CELSR1: variants seen among roughly 807,000 people sequenced by gnomAD.
CELSR1 encodes cadherin EGF LAG seven-pass G-type receptor 1.
In CELSR1, 110 loss-of-function variants were observed where a neutral mutation model predicts 249.1. The observed-to-expected ratio is 0.44, with a 90% CI of 0.38 to 0.52. CELSR1 has a LOEUF of 0.52. Among genes scored for constraint, CELSR1 ranks in the 20% least tolerant of loss-of-function variants. The pLI is 0.00. For synonymous variants in CELSR1, 2,113 were observed against 1,900.0 expected (o/e 1.11, Z -2.92); for missense variants, 4,109 against 4,296.4 (o/e 0.96, Z 1.22).
Position 46,422,793 on chromosome 22 carries a change from C to G in CELSR1, c.4611+10600G>C, listed in dbSNP as rs928088300. Among the ~76,000 whole-genome samples the G allele has an allele frequency of 4.0e-5, 6 of 149,532 alleles. No homozygotes were observed. The South Asian group carries it at 1.3e-3, about 31-fold the overall frequency. The stretch of plus-strand genomic sequence containing the variant: ...AAAAAAAAAAAAATGGCTCATAGTC[C>G]CATGACCCAGATAACTGCTATATTG... On this transcript the variant is annotated intron_variant, in intron 5 of 34. Coordinates refer to ENST00000674500, the MANE Select transcript of CELSR1 (RefSeq NM_001378328.1).
chr22:46,508,357 A>AG (rs1226479823), intron 1 of CELSR1, among the ~76,000 whole-genome samples: 1 of 147,692 alleles, frequency 6.8e-6, no homozygotes, highest in Admixed American at 6.7e-5. Context: ...GTGGGATGGG[A>AG]GGGGCACATG....
At chr22:46,528,619 T>G (rs775860280) in intron 1 of CELSR1, among the ~76,000 whole-genome samples, 1 of 152,160 alleles carries the variant, frequency 6.6e-6, no homozygotes, top group African/African-American at 2.4e-5. Context: ...TATACCATGG[T>G]GTACTATTCC....
rs747417164 is a variant in CELSR1 at position 46,396,445 on chromosome 22, G to C, written c.5843+160C>G. On this transcript the variant is annotated intron_variant, in intron 13 of 34. Transcript: ENST00000674500. The surrounding 1 kb of genome is among the most constrained non-coding windows in gnomAD (Gnocchi z 6.4). ...ATAAAATAAAAATTAAAAAAAATTT[G>C]ATTTTCACTTAATTCATGCCAAATT... is the stretch of plus-strand genomic sequence containing the variant. 6.6e-6 allele frequency among the ~76,000 whole-genome samples: 1 copy of C among 151,738 alleles called. No homozygotes were observed. Among genetic ancestry groups the C allele is most frequent in the Non-Finnish European group, 1.5e-5 (1 of 67,986 alleles).
chr22:46,451,211 C>A (rs2079880379), intron 2 of CELSR1, among the ~76,000 whole-genome samples: 1 of 152,196 alleles, frequency 6.6e-6, no homozygotes, highest in Admixed American at 6.5e-5. Flanking sequence ...CCCTGCCCCA[C>A]CTGGCAAGGT....
intron 33 of CELSR1, 91 bp from the exon 34 acceptor site, chr22:46,364,342 T>C: frequency 2.6e-6 from 4 of 1,548,152 alleles, no homozygotes; most frequent in Non-Finnish European, 3.5e-6. Context: ...CCTCAGCCCC[T>C]GTCCTTCCTC....
At chr22:46,449,101 C>T (rs868521501) in intron 2 of CELSR1, among the ~76,000 whole-genome samples, 35 of 150,586 alleles carry the variant, frequency 2.3e-4, no homozygotes, top group African/African-American at 8.3e-4. Context: ...AATCCATCCA[C>T]CCATCCATTG....
At chr22:46,498,284 T>C (rs890719193) in intron 1 of CELSR1, among the ~76,000 whole-genome samples, 9 of 13,392 alleles carry the variant, frequency 6.7e-4, no homozygotes, top group African/African-American at 1.8e-3. Flanking sequence ...AAAGCGAAAC[T>C]CTGTCTCAAA....
At position 46,386,455 on chromosome 22, in the gene CELSR1, C is replaced by T. The variant is rs745830567; in HGVS notation, c.6686G>A (p.Arg2229His). 8 of 1,602,788 alleles carry T rather than the reference C, an allele frequency of 5.0e-6. No individual in the cohort carries two copies. The highest frequency in any genetic ancestry group is 2.2e-5 in the South Asian group (2 of 89,600). ...CCGCAGGTACGTCCGCCGCACGTTGCGTGCCACGTTGCTGAAGTAGCCCTC... is the reference window on the plus strand; with the variant it reads ...CCGCAGGTACGTCCGCCGCACGTTGTGTGCCACGTTGCTGAAGTAGCCCTC... ...RLEGYFSNVA[R>H]NVRRTYLRPF... is the part of the protein sequence containing the mutation. The change falls in exon 19 of 35, where the codon CGC becomes CAC. Residue 2229 changes from arginine to histidine, a missense_variant. Coordinates refer to ENST00000674500, the MANE Select transcript of CELSR1 (RefSeq NM_001378328.1).
intron 5 of CELSR1, among the ~76,000 whole-genome samples, chr22:46,416,681 C>T (rs190633361): frequency 6.4e-4 from 97 of 152,296 alleles, no homozygotes; most frequent in African/African-American, 2.0e-3. Flanking sequence ...AGGAGTGGCC[C>T]AGAAGCGCTA....
intron 2 of CELSR1, among the ~76,000 whole-genome samples, chr22:46,460,428 A>G (rs530435146): frequency 6.6e-6 from 1 of 152,086 alleles, no homozygotes; most frequent in South Asian, 2.1e-4. Context: ...AGGGAGGCCC[A>G]TGATGGGCAG....
intron 18 of CELSR1, among the ~76,000 whole-genome samples, chr22:46,387,968 C>T (rs2079049812): frequency 6.6e-6 from 1 of 152,144 alleles, no homozygotes; most frequent in South Asian, 2.1e-4. Context: ...CCGAGGGTGA[C>T]CCTCAGCCTC....
chr22:46,410,021 C>A lies in CELSR1; in HGVS notation c.4934-141G>T. ...GACCAGGTCTGAACGCCCCTGGCAA[C>A]GGCAGGAACATGGGAACTAAGAAGG... On this transcript the variant is annotated intron_variant, in intron 7 of 34. Transcript: ENST00000674500. The surrounding 1 kb of genome is among the most constrained non-coding windows in gnomAD (Gnocchi z 6.8). The A allele has an allele frequency of 1.0e-5, 11 of 1,059,722 alleles. No homozygotes were observed. The highest frequency in any genetic ancestry group is 2.4e-5 in the Admixed American group (1 of 42,396). 65.6% of individuals were successfully genotyped at this position (1,059,722 alleles called of 1,614,324 possible).
chr22:46,462,187 G>A (rs1433105925), intron 2 of CELSR1, among the ~76,000 whole-genome samples: 1 of 152,222 alleles, frequency 6.6e-6, no homozygotes, highest in African/African-American at 2.4e-5. Flanking sequence ...GAGACAGCGG[G>A]GGGAAGAGCC....
Position 46,518,147 on chromosome 22 carries a change from T to C in CELSR1, c.3544+15480A>G, listed in dbSNP as rs896808815. ...CTCGAACTCGTGACCTCAGGTGATG[T>C]GATCCATCCATCTCGACCTCCCAAA... On this transcript the variant is annotated intron_variant, in intron 1 of 34. Coordinates refer to ENST00000674500, the MANE Select transcript of CELSR1 (RefSeq NM_001378328.1). This position sits in a 1 kb window ranked among gnomAD's most constrained non-coding sequence, Gnocchi z 5.2. 6.6e-6 allele frequency among the ~76,000 whole-genome samples: 1 copy of C among 152,164 alleles called. No individual in the cohort carries two copies. The highest frequency in any genetic ancestry group is 2.4e-5 in the African/African-American group (1 of 41,442).
In CELSR1 at chr22:46,399,032, G is replaced by A. The variant is rs115054477; in HGVS notation, c.5413-395C>T. Among the ~76,000 whole-genome samples, 1,445 of 152,316 alleles carry A rather than the reference G, an allele frequency of 9.5e-3. 17 individuals are homozygous for A. The highest frequency in any genetic ancestry group is 0.033 in the African/African-American group (1,371 of 41,572). On this transcript the variant is annotated intron_variant, in intron 10 of 34. Coordinates refer to ENST00000674500, the MANE Select transcript of CELSR1 (RefSeq NM_001378328.1). The surrounding 1 kb of genome is among the most constrained non-coding windows in gnomAD (Gnocchi z 5.0). Reference sequence around the variant, plus strand: ...CACTGTGGGAACCCAAGAGGGTCTCGGCTGAGATCCAGTCCCAGAAAGGCA... The same window carrying A: ...CACTGTGGGAACCCAAGAGGGTCTCAGCTGAGATCCAGTCCCAGAAAGGCA...
rs1371879917 is a variant in CELSR1, at chr22:46,433,242, C to T, written c.4611+151G>A. 5.3e-6 allele frequency: 3 copies of T among 566,262 alleles called. No individual in the cohort carries two copies. The highest frequency in any genetic ancestry group is 9.3e-6 in the Non-Finnish European group (3 of 323,010). 35.1% of individuals were successfully genotyped at this position (566,262 alleles called of 1,614,324 possible). ...TAGAGACAGGGTTTCGCCACGTTGG[C>T]CAAGCTGGTCTCGAGCTCCTGACCT... is the stretch of plus-strand genomic sequence containing the variant. On this transcript the variant is annotated intron_variant, in intron 5 of 34. Coordinates refer to ENST00000674500, the MANE Select transcript of CELSR1 (RefSeq NM_001378328.1). This position sits in a 1 kb window ranked among gnomAD's most constrained non-coding sequence, Gnocchi z 5.7.
chr22:46,443,558 GCA>G (rs1386433421), intron 2 of CELSR1, among the ~76,000 whole-genome samples: 3 of 152,206 alleles, frequency 2.0e-5, no homozygotes, highest in Non-Finnish European at 4.4e-5. Flanking sequence ...CGGGCCATGT[GCA>G]CACACACACC....
rs967521822 is a variant in CELSR1 at position 46,406,590 on chromosome 22, T to C, written c.5226+2406A>G. Among the ~76,000 whole-genome samples the C allele has an allele frequency of 1.1e-4, 16 of 152,222 alleles. No individual in the cohort carries two copies. Among genetic ancestry groups the C allele is most frequent in the African/African-American group, 2.9e-4 (12 of 41,462 alleles). The stretch of plus-strand genomic sequence containing the variant: ...CACTCATGATGGGGAGGGCATGTGC[T>C]GGGCAGTCCCTCTGTCCACCCGCCA... On this transcript the variant is annotated intron_variant, in intron 9 of 34. Coordinates refer to ENST00000674500, the MANE Select transcript of CELSR1 (RefSeq NM_001378328.1). The surrounding 1 kb of genome is among the most constrained non-coding windows in gnomAD (Gnocchi z 5.4).
At chr22:46,376,637 T>A (rs1402324026) in intron 24 of CELSR1, among the ~76,000 whole-genome samples, 3 of 152,126 alleles carry the variant, frequency 2.0e-5, no homozygotes, top group Non-Finnish European at 2.9e-5. Context: ...CCCAAAGGGA[T>A]CCTGGTGGGA....
Sources: gnomAD v4.1 joint callset for allele counts (sites outside exome capture counted in the v4.1 genomes callset) on GRCh38, gnomAD v4.1.1 for gene constraint, Gnocchi (gnomAD v3.1) non-coding constraint, MANE v1.5 for transcripts, NCBI Gene and HGNC (gene_info 2026-07-23, HGNC 2026-07-21) for gene names.